The following ADAM32 variants were observed in gnomAD, a reference collection of about 807,000 sequenced individuals.
The protein encoded by ADAM32 is disintegrin and metalloproteinase domain-containing protein 32.
Under a neutral mutation model 114.9 loss-of-function variants are expected in ADAM32, and 89 were observed. That is an observed-to-expected ratio of 0.77 (90% CI 0.65 to 0.92). The LOEUF is 0.92. Ranked by LOEUF, ADAM32 falls within the 40% of genes least tolerant of loss-of-function variation. The probability of loss-of-function intolerance (pLI) is 0.00; values close to 1 mark genes in which losing one functional copy is unlikely to be tolerated. For synonymous variants in ADAM32, 285 were observed against 307.5 expected, an observed-to-expected ratio of 0.93 and a Z score of 0.77; for missense variants, 870 against 932.8, an observed-to-expected ratio of 0.93 and a Z score of 0.88.
intron 17 of ADAM32, among the ~76,000 whole-genome samples, chr8:39,250,580 TGTG>T (rs1811225868): frequency 6.6e-6 from 1 of 152,024 alleles, no homozygotes; most frequent in African/African-American, 2.4e-5. Flanking sequence ...TTGTACCTGT[TGTG>T]GGGGTATAAA....
chr8:39,237,785 C>T (rs1371230551), intron 16 of ADAM32, among the ~76,000 whole-genome samples: 1 of 152,218 alleles, frequency 6.6e-6, no homozygotes, highest in Non-Finnish European at 1.5e-5. Flanking sequence ...ATCTGATGGT[C>T]TTTCTCTACC....
At chr8:39,186,800 T>G (rs892873617) in intron 10 of ADAM32, 109 bp from the exon 11 acceptor site, 1 of 974,240 alleles carries the variant, frequency 1.0e-6, no homozygotes, top group Non-Finnish European at 1.4e-6. Context: ...CATATCTCCC[T>G]AATTCTTTAG....
chr8:39,121,235 A>G (rs1295455381), intron 2 of ADAM32, among the ~76,000 whole-genome samples: 1 of 152,258 alleles, frequency 6.6e-6, no homozygotes, highest in Non-Finnish European at 1.5e-5. Flanking sequence ...CAGCAGAAAC[A>G]CTGCCAGCTG....
intron 2 of ADAM32, among the ~76,000 whole-genome samples, chr8:39,130,400 AT>A (rs970405071): frequency 6.6e-6 from 1 of 150,728 alleles, no homozygotes; most frequent in Non-Finnish European, 1.5e-5. Flanking sequence ...TTATGGTTTA[AT>A]TTTTTTTGTT....
Position 39,232,125 on chromosome 8 carries a change from T to C in ADAM32, c.1624T>C (p.Cys542Arg). ...GRDRNNKYVF[C>R]GWRNLICGRL... is the part of the protein sequence containing the mutation. ...GGATAGAAATAACAAATATGTGTTC[T>C]GTGGATGGAGGTATGCTCTACAAAT... Residue 542 changes from cysteine (C) to arginine (R), a missense_variant, in exon 15 of 25, where the codon TGT (cysteine) becomes CGT (arginine). Transcript: ENST00000379907. 6.3e-7 allele frequency: 1 copy of C among 1,597,564 alleles called. No homozygotes were observed.
At chr8:39,121,792 G>A (rs4324895) in intron 2 of ADAM32, among the ~76,000 whole-genome samples, 37,688 of 151,926 alleles carry the variant, frequency 0.25, 4,684 homozygotes, top group Middle Eastern at 0.31. Context: ...AGAGCTGTGG[G>A]GGCAGAGCCG....
At chr8:39,118,344 T>C (rs1840461633) in intron 2 of ADAM32, among the ~76,000 whole-genome samples, 179 bp downstream of exon 2, 1 of 152,162 alleles carries the variant, frequency 6.6e-6, no homozygotes, top group Non-Finnish European at 1.5e-5. Flanking sequence ...TTCTGTATTT[T>C]TTTAATGTTT....
intron 12 of ADAM32, chr8:39,221,105 T>C (rs1585572764): frequency 6.6e-6 from 1 of 152,304 alleles, no homozygotes. Context: ...GGGTGCACTG[T>C]ATTTAGAATT....
intron 10 of ADAM32, among the ~76,000 whole-genome samples, chr8:39,180,167 G>C (rs955554669): frequency 6.6e-6 from 1 of 152,226 alleles, no homozygotes; most frequent in Non-Finnish European, 1.5e-5. Flanking sequence ...GGGCCAGCTG[G>C]AGTTCCGGGT....
At chr8:39,248,233 C>G (rs1373534990) in intron 17 of ADAM32, among the ~76,000 whole-genome samples, 1 of 152,124 alleles carries the variant, frequency 6.6e-6, no homozygotes, top group Non-Finnish European at 1.5e-5. Flanking sequence ...GAACACCTTG[C>G]TGGGATTTTG....
intron 2 of ADAM32, among the ~76,000 whole-genome samples, chr8:39,122,960 T>G (rs1400180552): frequency 6.6e-6 from 1 of 152,192 alleles, no homozygotes; most frequent in Non-Finnish European, 1.5e-5. Flanking sequence ...TAACCCAAGC[T>G]CACAAAGATT....
At chr8:39,111,073 C>T (rs943385805) in intron 1 of ADAM32, among the ~76,000 whole-genome samples, 16 of 152,174 alleles carry the variant, frequency 1.1e-4, no homozygotes, top group African/African-American at 3.9e-4. Flanking sequence ...TGCATTAGAA[C>T]TTCATTCCTT....
At chr8:39,257,130 A>G (rs1585660342) in intron 18 of ADAM32, 57 bp from the exon 19 acceptor site, 1 of 1,439,070 alleles carries the variant, frequency 6.9e-7, no homozygotes, top group Non-Finnish European at 9.2e-7. Context: ...GCAACTTGAA[A>G]GTAAAAGTAG....
At chr8:39,213,585 T>A (rs1808369591) in intron 12 of ADAM32, among the ~76,000 whole-genome samples, 1 of 152,170 alleles carries the variant, frequency 6.6e-6, no homozygotes, top group Non-Finnish European at 1.5e-5. Flanking sequence ...TTACATGAGA[T>A]ATTTTGATAC....
intron 11 of ADAM32, among the ~76,000 whole-genome samples, chr8:39,205,113 C>A (rs976301564): frequency 6.6e-6 from 1 of 152,216 alleles, no homozygotes; most frequent in South Asian, 2.1e-4. Flanking sequence ...GTTCTCCGAT[C>A]TCAAACTCCA....
At position 39,149,839 on chromosome 8, in the gene ADAM32, G is replaced by T; in HGVS notation, c.325G>T (p.Val109Phe). Residue 109 changes from valine (V) to phenylalanine (F), a missense_variant, in exon 5 of 25, where the codon GTC (valine) becomes TTC (phenylalanine). Val to Phe is a conservative substitution (Grantham distance 50). Coordinates refer to ENST00000379907, the MANE Select transcript of ADAM32 (RefSeq NM_145004.7). ...GNIEGYPDSM[V>F]TLSTCSGLRG... is the part of the protein sequence containing the mutation. ...TATTGAAGGATATCCAGATTCCATGGTCACACTCAGCACGTGCTCTGGACT... is the reference window on the plus strand; with the variant it reads ...TATTGAAGGATATCCAGATTCCATGTTCACACTCAGCACGTGCTCTGGACT... 2 of 1,611,662 alleles carry T rather than the reference G, an allele frequency of 1.2e-6. No individual in the cohort carries two copies. The highest frequency in any genetic ancestry group is 1.7e-6 in the Non-Finnish European group (2 of 1,178,522).
chr8:39,182,566 ACAATTTATCAT>A (rs1419598435), intron 10 of ADAM32, among the ~76,000 whole-genome samples: 1 of 152,218 alleles, frequency 6.6e-6, no homozygotes, highest in East Asian at 1.9e-4. Flanking sequence ...TTTCAAGAAT[ACAATTTATCAT>A]CATTAACTGT....
chr8:39,250,036 G>T (rs1811185967), intron 17 of ADAM32, among the ~76,000 whole-genome samples: 1 of 151,986 alleles, frequency 6.6e-6, no homozygotes, highest in Admixed American at 6.6e-5. Context: ...TAGTTTGAAA[G>T]TTATTATGTC....
At chr8:39,221,815 A>G (rs1808986538) in intron 13 of ADAM32, 113 bp downstream of exon 13, 7 of 646,324 alleles carry the variant, frequency 1.1e-5, no homozygotes, top group South Asian at 7.1e-5. Context: ...TTTCAGATAA[A>G]GAGAAAGATA....
Sources: gnomAD v4.1 joint callset for allele counts (sites outside exome capture counted in the v4.1 genomes callset) on GRCh38, gnomAD v4.1.1 for gene constraint, MANE v1.5 for transcripts, NCBI Gene and HGNC (gene_info 2026-07-23, HGNC 2026-07-21) for gene names.